POMK: variants seen among roughly 807,000 people sequenced by gnomAD.
POMK encodes Sugen kinase 196.
In POMK, 19 loss-of-function variants were observed where a neutral mutation model predicts 23.0. The ratio of observed to expected loss-of-function variants is 0.83; its 90% CI spans 0.58 to 1.21. The LOEUF (loss-of-function observed/expected upper bound fraction) is 1.21, where lower values mean the gene tolerates loss of function less well. Ranked by LOEUF, POMK falls within the 50% of genes most tolerant of loss-of-function variation. The probability of loss-of-function intolerance (pLI) is 0.00; values close to 1 mark genes in which losing one functional copy is unlikely to be tolerated. For missense variants in POMK, 410 were observed against 431.3 expected (o/e 0.95, Z 0.44); for synonymous variants, 173 against 171.6 (o/e 1.01, Z -0.06).
chr8:43,122,200 C>G lies in POMK; in HGVS notation c.376C>G (p.Leu126Val). Residue 126 changes from leucine (L) to valine (V), a missense_variant, in exon 5 of 5, where the codon CTG (leucine) becomes GTG (valine). Transcript: ENST00000331373. ...TGATTTCCTCCATGGACTGCAGATG[C>G]TGAAATCTCTCCAAGGCACACATGT... Reference protein sequence around the residue: ...KDDFLHGLQMLKSLQGTHVVT... With the variant: ...KDDFLHGLQMVKSLQGTHVVT... 1 of 1,614,200 alleles carries G rather than the reference C, an allele frequency of 6.2e-7. No individual in the cohort carries two copies. Among genetic ancestry groups the G allele is most frequent in the Non-Finnish European group, 8.5e-7 (1 of 1,180,026 alleles).
At position 43,103,629 on chromosome 8, in the gene POMK, G is replaced by A; in HGVS notation, c.81G>A (p.Met27Ile). The A allele has an allele frequency of 6.2e-7, 1 of 1,613,802 alleles. No homozygotes were observed. The highest frequency in any genetic ancestry group is 8.5e-7 in the Non-Finnish European group (1 of 1,179,982). ...CAGCTGTTGGGCTGCTGCTGATCATGGCCCTGATGAATACTCTGCTCTACC... is the reference window on the plus strand; with the variant it reads ...CAGCTGTTGGGCTGCTGCTGATCATAGCCCTGATGAATACTCTGCTCTACC... ...VPPAVGLLLI[M>I]ALMNTLLYLC... Residue 27 changes from methionine (M) to isoleucine (I), a missense_variant, in exon 4 of 5, where the codon ATG becomes ATA. By Grantham distance (10) the Met-to-Ile change is conservative (BLOSUM62 1). Transcript: ENST00000331373.
At chr8:43,110,102 A>G (rs1319794723) in intron 4 of POMK, among the ~76,000 whole-genome samples, 2 of 152,252 alleles carry the variant, frequency 1.3e-5, no homozygotes, top group East Asian at 1.9e-4. Context: ...TTAACACTCT[A>G]AACTTAGGCA....
intron 4 of POMK, among the ~76,000 whole-genome samples, chr8:43,112,138 G>A (rs1031259816): frequency 2.0e-5 from 3 of 152,034 alleles, no homozygotes; most frequent in Admixed American, 6.6e-5. Flanking sequence ...GAGGAAGTTC[G>A]AACCAATGGG....
At chr8:43,120,510 C>T (rs62517605) in intron 4 of POMK, among the ~76,000 whole-genome samples, 7,131 of 151,738 alleles carry the variant, frequency 0.047, 226 homozygotes, top group South Asian at 0.075. Context: ...TATGAGCCAC[C>T]GCACCCAGCC....
In POMK at chr8:43,122,303, T is replaced by A; in HGVS notation, c.479T>A (p.Leu160Gln). 6.2e-7 allele frequency: 1 copy of A among 1,614,210 alleles called. No homozygotes were observed. ...EYHPLGSLSN[L>Q]EETLNLSKYQ... ...CACCCTCTAGGTTCCTTGAGTAACC[T>A]GGAAGAAACACTAAACCTTTCAAAG... Residue 160 changes from leucine to glutamine, a missense_variant, in exon 5 of 5, where the codon CTG becomes CAG. Leu to Gln is a moderately radical substitution (Grantham distance 113). Coordinates refer to ENST00000331373, the MANE Select transcript of POMK (RefSeq NM_032237.5).
intron 4 of POMK, among the ~76,000 whole-genome samples, chr8:43,104,604 A>G (rs562905662): frequency 5.1e-4 from 78 of 152,292 alleles, no homozygotes; most frequent in African/African-American, 1.8e-3. Context: ...AAGATATAAA[A>G]TTGTATAATT....
At chr8:43,096,644 G>A (rs1216870667) in intron 1 of POMK, among the ~76,000 whole-genome samples, 2 of 151,926 alleles carry the variant, frequency 1.3e-5, no homozygotes, top group Non-Finnish European at 2.9e-5. Context: ...TAGCACTCCA[G>A]CCTGGTGACA....
rs561716315 is a variant in POMK, at chr8:43,113,236, T to C, written c.283-8871T>C. On this transcript the variant is annotated intron_variant, in intron 4 of 4. Coordinates refer to ENST00000331373, the MANE Select transcript of POMK (RefSeq NM_032237.5). ...AACTTGGTTCCATTCTCCCCATCAC[T>C]TTCAGGTACACCAATCAGACGTAGA... Among the ~76,000 whole-genome samples the C allele has an allele frequency of 7.4e-3, 1,125 of 152,184 alleles. 16 individuals carry two copies. The highest frequency in any genetic ancestry group is 0.026 in the African/African-American group (1,063 of 41,428).
chr8:43,093,865 G>A (rs1053531195), intron 1 of POMK, among the ~76,000 whole-genome samples: 2 of 152,252 alleles, frequency 1.3e-5, no homozygotes, highest in Admixed American at 1.3e-4. Flanking sequence ...CGGGAGGATC[G>A]CGTGAGCTCA....
At chr8:43,114,437 G>T (rs937157566) in intron 4 of POMK, among the ~76,000 whole-genome samples, 1 of 152,232 alleles carries the variant, frequency 6.6e-6, no homozygotes, top group Admixed American at 6.5e-5. Flanking sequence ...TAATCTCCTG[G>T]TGTGCCGTTT....
At position 43,097,533 on chromosome 8, in the gene POMK, C is replaced by G. The variant is rs563010797; in HGVS notation, c.-200C>G. The G allele has an allele frequency of 1.3e-5, 2 of 152,010 alleles. No individual in the cohort carries two copies. Among genetic ancestry groups the G allele is most frequent in the East Asian group, 3.9e-4 (2 of 5,182 alleles). 9.4% of individuals were successfully genotyped at this position (152,010 alleles called of 1,614,324 possible). ...TGTGAAACACTTAAAGAAAAAGGAT[C>G]CTGTTTGCTGTGTAATCCTGAGAAT... On this transcript the variant is annotated 5_prime_UTR_variant, in exon 2 of 5. It adds an upstream start codon to the 5' untranslated region. Transcript: ENST00000331373.
At chr8:43,104,374 G>A (rs999848579) in intron 4 of POMK, among the ~76,000 whole-genome samples, 15 of 151,936 alleles carry the variant, frequency 9.9e-5, no homozygotes, top group Non-Finnish European at 1.5e-5. Context: ...TACCTGCCTC[G>A]GCCTCCCAAT....
chr8:43,116,518 T>G (rs1811802116), intron 4 of POMK, among the ~76,000 whole-genome samples: 2 of 152,194 alleles, frequency 1.3e-5, no homozygotes, highest in African/African-American at 4.8e-5. Flanking sequence ...TCCTCCTGCC[T>G]TGGCCTCCCA....
chr8:43,117,601 A>G (rs1811825872), intron 4 of POMK, among the ~76,000 whole-genome samples: 2 of 152,254 alleles, frequency 1.3e-5, no homozygotes, highest in Non-Finnish European at 2.9e-5. Flanking sequence ...CACAAGGCAG[A>G]CAACCCTATA....
intron 4 of POMK, among the ~76,000 whole-genome samples, chr8:43,121,629 AC>A (rs1233968867): frequency 2.6e-5 from 4 of 152,110 alleles, no homozygotes; most frequent in African/African-American, 9.7e-5. Flanking sequence ...CTCCACACTT[AC>A]CCACTTTTCC....
intron 4 of POMK, among the ~76,000 whole-genome samples, chr8:43,104,565 A>G (rs1811509847): frequency 6.6e-6 from 1 of 152,238 alleles, no homozygotes; most frequent in African/African-American, 2.4e-5. Context: ...CAACATGAAT[A>G]AAACCTTATG....
intron 2 of POMK, among the ~76,000 whole-genome samples, chr8:43,101,056 G>C (rs1459314705): frequency 6.6e-6 from 1 of 152,080 alleles, no homozygotes; most frequent in Admixed American, 6.6e-5. Flanking sequence ...TTGCATCTGT[G>C]GGGTACTGGA....
intron 1 of POMK, among the ~76,000 whole-genome samples, chr8:43,094,095 C>CATT (rs1435433856): frequency 2.6e-5 from 4 of 152,132 alleles, no homozygotes; most frequent in Non-Finnish European, 5.9e-5. Flanking sequence ...ATTACTTTAT[C>CATT]ATTATTATTA....
chr8:43,100,800 C>T (rs963739887), intron 2 of POMK, among the ~76,000 whole-genome samples: 3 of 151,518 alleles, frequency 2.0e-5, no homozygotes, highest in East Asian at 1.9e-4. Flanking sequence ...GGTGGTGGTG[C>T]GGGAAGGGTC....
Sources: allele counts gnomAD v4.1 joint callset (sites outside exome capture counted in the v4.1 genomes callset), GRCh38; gene constraint gnomAD v4.1.1; transcripts MANE v1.5; gene names NCBI Gene and HGNC (gene_info 2026-07-23, HGNC 2026-07-21).